Variants in AJUBA observed in about 807,000 individuals in gnomAD.
AJUBA encodes the protein ajuba LIM protein, also known as LIM domain-containing protein ajuba.
Under a neutral mutation model 53.3 loss-of-function variants are expected in AJUBA, and 20 were observed. The observed-to-expected ratio is 0.38, with a 90% CI of 0.26 to 0.55. The LOEUF is 0.55. Ranked by LOEUF, AJUBA falls within the 20% of genes least tolerant of loss-of-function variation. The probability of loss-of-function intolerance (pLI) is 0.80; values close to 1 mark genes in which losing one functional copy is unlikely to be tolerated. For missense variants in AJUBA, 580 were observed against 730.5 expected (o/e 0.79, Z 2.38); for synonymous variants, 296 against 306.2 (o/e 0.97, Z 0.35).
chr14:22,973,491 G>A lies in AJUBA; in HGVS notation c.1569C>T (p.Cys523=). 1 of 1,614,070 alleles carries A rather than the reference G, an allele frequency of 6.2e-7. No homozygotes were observed. Among genetic ancestry groups the A allele is most frequent in the Non-Finnish European group, 8.5e-7 (1 of 1,179,972 alleles). ...GTCGGGCATTGAGCCGCTGCATGTGGCAACCATGGCAGAGCAAGTGCCCAT... is the reference window on the plus strand; with the variant it reads ...GTCGGGCATTGAGCCGCTGCATGTGACAACCATGGCAGAGCAAGTGCCCAT... The part of the protein sequence containing the change: ...PLDGHLLCHG[C]HMQRLNARQP... Residue 523 remains cysteine (C), a synonymous_variant, in exon 8 of 8, where the codon TGC becomes TGT. Transcript: ENST00000262713.
Position 22,982,038 on chromosome 14 carries a change from G to A in AJUBA, c.229C>T (p.Arg77Cys), listed in dbSNP as rs1312094453. ...QGSLDAERNQ[R>C]GSFEAPRYEG... ...TAGCGCGGCGCCTCAAAGGAGCCGC[G>A]CTGATTTCGCTCAGCGTCCAGGGAA... is the stretch of plus-strand genomic sequence containing the variant. Residue 77 changes from arginine to cysteine, a missense_variant, in exon 1 of 8, where the codon CGC becomes TGC. Around this residue, in one of 2 missense-constraint regions of AJUBA, gnomAD observed 430 missense variants for 471.5 expected, o/e 0.91. Transcript: ENST00000262713. The A allele has an allele frequency of 1.9e-6, 3 of 1,591,028 alleles. No homozygotes were observed. Among genetic ancestry groups the A allele is most frequent in the Admixed American group, 1.9e-5 (1 of 52,742 alleles).
chr14:22,981,506 C>T lies in AJUBA; in HGVS notation c.761G>A (p.Arg254Lys). 1 of 1,588,648 alleles carries T rather than the reference C, an allele frequency of 6.3e-7. No individual in the cohort carries two copies. The highest frequency in any genetic ancestry group is 8.5e-7 in the Non-Finnish European group (1 of 1,170,080). The change falls in exon 1 of 8, where the codon AGA becomes AAA. Residue 254 changes from arginine to lysine, a missense_variant. By Grantham distance (26) the Arg-to-Lys change is conservative. Transcript: ENST00000262713. ...AGVGAAGPLERRGAQPGRHSV... is the reference protein window; with the variant it reads ...AGVGAAGPLEKRGAQPGRHSV... ...GTGTCGTCCGGGTTGCGCCCCCCGT[C>T]TCTCCAAGGGCCCCGCCGCTCCCAC...
At chr14:22,980,715 C>T (rs956403681) in intron 1 of AJUBA, 1 of 980,336 alleles carries the variant, frequency 1.0e-6, no homozygotes, top group South Asian at 4.7e-5. Context: ...TAGGGAGCGT[C>T]CCCCGATCCC....
Position 22,982,148 on chromosome 14 carries a change from C to T in AJUBA, c.119G>A (p.Gly40Glu). 1 of 1,610,936 alleles carries T rather than the reference C, an allele frequency of 6.2e-7. No individual in the cohort carries two copies. Among genetic ancestry groups the T allele is most frequent in the Non-Finnish European group, 8.5e-7 (1 of 1,178,614 alleles). ...TPGPGKGRLSGLGGPRKSGPR... is the reference protein window; with the variant it reads ...TPGPGKGRLSELGGPRKSGPR... ...CCCTGACTTCCTAGGTCCCCCCAACCCACTTAGGCGCCCCTTGCCCGGCCC... is the reference window on the plus strand; with the variant it reads ...CCCTGACTTCCTAGGTCCCCCCAACTCACTTAGGCGCCCCTTGCCCGGCCC... The change falls in exon 1 of 8, where the codon GGG becomes GAG. Residue 40 changes from glycine (G) to glutamate (E), a missense_variant. Gly to Glu is a moderately conservative substitution (Grantham distance 98). Transcript: ENST00000262713.
intron 7 of AJUBA, 35 bp from the exon 8 acceptor site, chr14:22,973,603 G>A: frequency 6.2e-7 from 1 of 1,612,422 alleles, no homozygotes; most frequent in Non-Finnish European, 8.5e-7. Context: ...CCTCAGCCTA[G>A]GCACCTTGGA....
At position 22,979,539 on chromosome 14, in the gene AJUBA, C is replaced by T. The variant is rs1164278770; in HGVS notation, c.1007-1094G>A. Among the ~76,000 whole-genome samples, 2 of 152,186 alleles carry T rather than the reference C, an allele frequency of 1.3e-5. No homozygotes were observed. The highest frequency in any genetic ancestry group is 2.4e-5 in the African/African-American group (1 of 41,452). ...GAGGGTACAGTCAAGCTGGGGCTAG[C>T]GGCACAAGGGGTATGTAGGGGTTCT... On this transcript the variant is annotated intron_variant, in intron 1 of 7. Coordinates refer to ENST00000262713, the MANE Select transcript of AJUBA (RefSeq NM_032876.6). The surrounding 1 kb of genome is among the most constrained non-coding windows in gnomAD (Gnocchi z 4.0).
chr14:22,978,296 G>T, intron 2 of AJUBA, 48 bp downstream of exon 2: 1 of 1,539,574 alleles, frequency 6.5e-7, no homozygotes, highest in Non-Finnish European at 9.0e-7. Context: ...TTGTAAGTGT[G>T]TATGTGGGCA....
rs138877420 is a variant in AJUBA at position 22,975,054 on chromosome 14, A to G, written c.1290T>C (p.Ile430=). The G allele has an allele frequency of 7.1e-4, 1,139 of 1,614,054 alleles. 1 individual carries two copies. Among genetic ancestry groups the G allele is most frequent in the Non-Finnish European group, 9.0e-4 (1,060 of 1,180,036 alleles). Residue 430 remains isoleucine, a synonymous_variant, in exon 5 of 8, where the codon ATT becomes ATC. Transcript: ENST00000262713. ...KSYHPGCFRC[I]VCNKCLDGIP... Reference sequence around the variant, plus strand: ...TGCCATCCAGGCACTTGTTGCAAACAATGCATCGGAAACAGCCTGGATGAT... The same window carrying G: ...TGCCATCCAGGCACTTGTTGCAAACGATGCATCGGAAACAGCCTGGATGAT...
At chr14:22,974,939 C>T (rs1286976992) in intron 5 of AJUBA, 35 bp downstream of exon 5, 2 of 1,613,770 alleles carry the variant, frequency 1.2e-6, no homozygotes, top group African/African-American at 2.7e-5. Context: ...ATCCCTGGAC[C>T]CAGTTCCACA....
chr14:22,974,530 C>T (rs766561530), intron 6 of AJUBA: 3 of 455,298 alleles, frequency 6.6e-6, no homozygotes, highest in Non-Finnish European at 1.2e-5. Flanking sequence ...CCTACCAGTG[C>T]TGAGGATTCT....
intron 1 of AJUBA, 91 bp from the exon 2 acceptor site, chr14:22,978,536 G>A (rs1350114528): frequency 7.2e-6 from 11 of 1,531,410 alleles, no homozygotes; most frequent in Admixed American, 1.9e-5. Flanking sequence ...ATGTGCCAGG[G>A]GTCACAGTCT....
rs1594567431 is a variant in AJUBA at position 22,981,139 on chromosome 14, C to G, written c.1006+122G>C. The G allele has an allele frequency of 3.2e-6, 4 of 1,269,120 alleles. No homozygotes were observed. In the African/African-American group the frequency reaches 4.5e-5, roughly 14 times the overall value. The allele number at this position is 1,269,120 out of a possible 1,614,324, so 78.6% of individuals were successfully genotyped here. On this transcript the variant is annotated intron_variant, in intron 1 of 7. Coordinates refer to ENST00000262713, the MANE Select transcript of AJUBA (RefSeq NM_032876.6). ...CCGCCCCCATCCATCCCTCTTGCTT[C>G]TTTCCTAGTCCCGCGTCTTCACCTC...
chr14:22,974,606 TCTGGA>T (rs1422034993), intron 6 of AJUBA: 7 of 536,276 alleles, frequency 1.3e-5, no homozygotes, highest in Non-Finnish European at 2.0e-5. Context: ...AGTCTCCTCC[TCTGGA>T]CTGGGATAGA....
chr14:22,981,905 C>CG lies in AJUBA; in HGVS notation c.361dup (p.Arg121ProfsTer3). The CG allele has an allele frequency of 6.4e-7, 1 of 1,550,912 alleles. No individual in the cohort carries two copies. The highest frequency in any genetic ancestry group is 8.7e-7 in the Non-Finnish European group (1 of 1,152,850). ...GGCCGAGCTACTGGCGAAGCTAGAG[C>CG]GGGGGCTGAGGGCCGGGGCCGTGGG... On this transcript the variant is annotated frameshift_variant, in exon 1 of 8. Coordinates refer to ENST00000262713, the MANE Select transcript of AJUBA (RefSeq NM_032876.6). LOFTEE classifies it high-confidence loss of function.
In AJUBA at chr14:22,972,879, G is replaced by A. The variant is rs1316266790; in HGVS notation, c.*564C>T. On this transcript the variant is annotated 3_prime_UTR_variant, in exon 8 of 8. Coordinates refer to ENST00000262713, the MANE Select transcript of AJUBA (RefSeq NM_032876.6). ...AACCCCAAAACTCTGGGGTTTGGGG[G>A]AGCTGGAGGGAGAATTACACTTTGA... is the stretch of plus-strand genomic sequence containing the variant. The A allele has an allele frequency of 2.0e-5, 3 of 153,730 alleles. No individual in the cohort carries two copies. Among genetic ancestry groups the A allele is most frequent in the Non-Finnish European group, 2.9e-5 (2 of 69,014 alleles). 9.5% of individuals were successfully genotyped at this position (153,730 alleles called of 1,614,324 possible). A position where few individuals can be genotyped will look rare whatever the true frequency, so the allele number is the denominator to read the frequency against.
At chr14:22,975,279 GC>G in intron 4 of AJUBA, 175 bp from the exon 5 acceptor site, 1 of 795,410 alleles carries the variant, frequency 1.3e-6, no homozygotes, top group East Asian at 2.8e-5. Context: ...CCTGAAAAGT[GC>G]CTGAGAGAGC....
Position 22,973,316 on chromosome 14 carries a change from G to C in AJUBA, c.*127C>G, listed in dbSNP as rs2045001865. 1 of 1,346,268 alleles carries C rather than the reference G, an allele frequency of 7.4e-7. No homozygotes were observed. Among genetic ancestry groups the C allele is most frequent in the African/African-American group, 1.5e-5 (1 of 68,014 alleles). 83.4% of individuals were successfully genotyped at this position (1,346,268 alleles called of 1,614,324 possible). ...CATGATCTTTGGGTCTCCGGCCCTT[G>C]GGGTCCTCCCCAGAGGACTCTTCTG... On this transcript the variant is annotated 3_prime_UTR_variant, in exon 8 of 8. Transcript: ENST00000262713.
rs2045011378 is a variant in AJUBA at position 22,974,093 on chromosome 14, A to G, written c.1445T>C (p.Val482Ala). Reference sequence around the variant, plus strand: ...GTGATAATCCCGGTCCATGGATATCACCCTCACGATGTCCTCACAGCCCTG... The same window carrying G: ...GTGATAATCCCGGTCCATGGATATCGCCCTCACGATGTCCTCACAGCCCTG... Reference protein sequence around the residue: ...PSEGCEDIVRVISMDRDYHFE... With the variant: ...PSEGCEDIVRAISMDRDYHFE... Residue 482 changes from valine to alanine, a missense_variant, in exon 7 of 8, where the codon GTG becomes GCG. Coordinates refer to ENST00000262713, the MANE Select transcript of AJUBA (RefSeq NM_032876.6). 6.2e-7 allele frequency: 1 copy of G among 1,613,694 alleles called. No homozygotes were observed. The highest frequency in any genetic ancestry group is 1.7e-5 in the Admixed American group (1 of 59,962).
chr14:22,976,040 G>A (rs976921249), intron 4 of AJUBA, among the ~76,000 whole-genome samples: 18 of 150,474 alleles, frequency 1.2e-4, no homozygotes, highest in Non-Finnish European at 2.5e-4. Flanking sequence ...GCGCATGCCT[G>A]TAGTCCTAGC....
Sources: gnomAD v4.1 joint callset for allele counts (sites outside exome capture counted in the v4.1 genomes callset) on GRCh38, gnomAD v4.1.1 for gene constraint, gnomAD v4.1.1 regional missense constraint, Gnocchi (gnomAD v3.1) non-coding constraint, MANE v1.5 for transcripts, NCBI Gene and HGNC (gene_info 2026-07-23, HGNC 2026-07-21) for gene names.